TRIP4: variants seen among roughly 807,000 people sequenced by gnomAD.
TRIP4 encodes thyroid hormone receptor interactor 4.
TRIP4 carries 54 observed loss-of-function variants against 81.8 expected under a neutral mutation model. That is an observed-to-expected ratio of 0.66 (90% CI 0.53 to 0.83). The LOEUF (loss-of-function observed/expected upper bound fraction) is 0.83, where lower values mean the gene tolerates loss of function less well. Among genes scored for constraint, TRIP4 ranks in the 40% least tolerant of loss-of-function variants. TRIP4 has a pLI of 0.00. For missense variants in TRIP4, 662 were observed against 683.6 expected (o/e 0.97, Z 0.35); for synonymous variants, 270 against 242.8 (o/e 1.11, Z -1.04).
At chr15:64,404,456 G>T (rs1275330735) in intron 5 of TRIP4, among the ~76,000 whole-genome samples, 1 of 147,946 alleles carries the variant, frequency 6.8e-6, no homozygotes, top group African/African-American at 2.5e-5. Context: ...AAGTAGCTGG[G>T]ATTGCGGGCG....
chr15:64,431,868 T>C (rs1428603637), intron 11 of TRIP4, among the ~76,000 whole-genome samples: 7 of 127,738 alleles, frequency 5.5e-5, no homozygotes, highest in African/African-American at 2.0e-4. Context: ...CCAAAGAGCA[T>C]TGTGTTTTCT....
intron 9 of TRIP4, among the ~76,000 whole-genome samples, chr15:64,419,591 C>T (rs942402963): frequency 1.3e-5 from 2 of 151,402 alleles, no homozygotes; most frequent in African/African-American, 2.4e-5. Context: ...ATCTCCTGAC[C>T]TCGTGATCCG....
chr15:64,445,173 A>G (rs570796531), intron 12 of TRIP4, 65 bp downstream of exon 12: 1 of 831,790 alleles, frequency 1.2e-6, no homozygotes, highest in South Asian at 1.6e-5. Context: ...GGAAAAAAGT[A>G]GAACAAGGAG....
chr15:64,402,065 TATTA>T (rs1891522180), intron 5 of TRIP4, among the ~76,000 whole-genome samples: 1 of 152,158 alleles, frequency 6.6e-6, no homozygotes, highest in Non-Finnish European at 1.5e-5. Flanking sequence ...ATTATACCAA[TATTA>T]ATTTCTTAGT....
intron 11 of TRIP4, among the ~76,000 whole-genome samples, chr15:64,428,025 T>C (rs916483797): frequency 3.3e-5 from 5 of 152,290 alleles, no homozygotes; most frequent in African/African-American, 9.6e-5. Flanking sequence ...TTTACAGTTT[T>C]AGAGATTCAC....
intron 10 of TRIP4, among the ~76,000 whole-genome samples, chr15:64,425,319 T>G (rs1892117173): frequency 6.6e-6 from 1 of 152,206 alleles, no homozygotes; most frequent in Non-Finnish European, 1.5e-5. Flanking sequence ...AGGAAAAATT[T>G]TCTAGCTTAA....
intron 11 of TRIP4, among the ~76,000 whole-genome samples, chr15:64,437,637 C>T (rs894537933): frequency 6.6e-5 from 10 of 151,728 alleles, no homozygotes; most frequent in South Asian, 4.2e-4. Flanking sequence ...GTATTACAGG[C>T]GCACGCCACC....
At chr15:64,445,137 T>C (rs1232360973) in intron 12 of TRIP4, 29 bp downstream of exon 12, 5 of 1,269,644 alleles carry the variant, frequency 3.9e-6, no homozygotes, top group African/African-American at 1.5e-5. Flanking sequence ...TCTTTAAGAC[T>C]AGTCAAGTGC....
At chr15:64,432,305 A>G (rs950947388) in intron 11 of TRIP4, among the ~76,000 whole-genome samples, 4 of 152,086 alleles carry the variant, frequency 2.6e-5, no homozygotes, top group Non-Finnish European at 4.4e-5. Flanking sequence ...AGATTTTCAT[A>G]TATATTTATT....
chr15:64,447,192 A>C (rs963644718), intron 12 of TRIP4, among the ~76,000 whole-genome samples: 1 of 152,190 alleles, frequency 6.6e-6, no homozygotes, highest in African/African-American at 2.4e-5. Flanking sequence ...TGGAAAAGCA[A>C]CATCAGCAAC....
At chr15:64,423,965 T>C (rs1892077271) in intron 9 of TRIP4, 66 bp from the exon 10 acceptor site, 10 of 1,588,278 alleles carry the variant, frequency 6.3e-6, no homozygotes, top group Non-Finnish European at 7.7e-6. Flanking sequence ...GGATTTGTTA[T>C]ATATTATGGG....
At chr15:64,411,421 T>C (rs1891758128) in intron 7 of TRIP4, among the ~76,000 whole-genome samples, 1 of 152,096 alleles carries the variant, frequency 6.6e-6, no homozygotes, top group African/African-American at 2.4e-5. Flanking sequence ...TCAGGGAATG[T>C]GGATAACCTC....
rs564411268 is a variant in TRIP4, at chr15:64,394,337, G to A, written c.271+222G>A. ...ATATCACAAAAAGGCCGGGCGTGGT[G>A]GCTCACGCCTGTAATCCCAGCACTT... On this transcript the variant is annotated intron_variant, in intron 2 of 12. Transcript: ENST00000261884. Among the ~76,000 whole-genome samples, 3 of 152,188 alleles carry A rather than the reference G, an allele frequency of 2.0e-5. No homozygotes were observed. In the East Asian group the frequency reaches 5.8e-4, roughly 29 times the overall value.
intron 9 of TRIP4, 108 bp downstream of exon 9, chr15:64,418,836 T>C: frequency 2.0e-6 from 2 of 1,004,016 alleles, no homozygotes; most frequent in Non-Finnish European, 2.8e-6. Flanking sequence ...TGATTTATAA[T>C]ACTCTTCAAT....
chr15:64,411,972 G>T (rs765162697), intron 7 of TRIP4, among the ~76,000 whole-genome samples: 3 of 151,968 alleles, frequency 2.0e-5, no homozygotes, highest in Non-Finnish European at 2.9e-5. Flanking sequence ...GAACCACTGC[G>T]CCCGGCACTA....
chr15:64,433,938 C>T (rs1008383346), intron 11 of TRIP4, among the ~76,000 whole-genome samples: 2 of 151,416 alleles, frequency 1.3e-5, no homozygotes, highest in Admixed American at 6.6e-5. Context: ...TAAAGCTCAT[C>T]AGTTATCGTT....
Position 64,426,705 on chromosome 15 carries a change from A to G in TRIP4, c.1575+1074A>G, listed in dbSNP as rs1282401243. On this transcript the variant is annotated intron_variant, in intron 11 of 12. Coordinates refer to ENST00000261884, the MANE Select transcript of TRIP4 (RefSeq NM_016213.5). ...ACAGAGTGAGACTCTGTCTCAAAAA[A>G]AAAAAAAAAAAAAAGATGGGCATGG... Among the ~76,000 whole-genome samples, 9 of 150,018 alleles carry G rather than the reference A, an allele frequency of 6.0e-5. No individual in the cohort carries two copies. In the East Asian group the frequency reaches 1.4e-3, roughly 23 times the overall value.
intron 1 of TRIP4, among the ~76,000 whole-genome samples, chr15:64,391,043 C>T (rs777944011): frequency 2.0e-5 from 3 of 152,178 alleles, no homozygotes; most frequent in Non-Finnish European, 4.4e-5. Context: ...TTTGCTGTGC[C>T]TTGCCTGGCA....
intron 12 of TRIP4, among the ~76,000 whole-genome samples, chr15:64,446,262 G>A (rs941773958): frequency 7.3e-5 from 11 of 151,616 alleles, no homozygotes; most frequent in South Asian, 4.2e-4. Context: ...CAACAAGAGC[G>A]AAACTCCATC....
Sources: allele counts gnomAD v4.1 joint callset (sites outside exome capture counted in the v4.1 genomes callset), GRCh38; gene constraint gnomAD v4.1.1; transcripts MANE v1.5; gene names NCBI Gene and HGNC (gene_info 2026-07-23, HGNC 2026-07-21).